Variants in LRRTM4 observed in about 807,000 individuals in gnomAD.
LRRTM4 encodes the protein leucine-rich repeat transmembrane neuronal protein 4.
LRRTM4 carries 25 observed loss-of-function variants against 47.6 expected under a neutral mutation model. The ratio of observed to expected loss-of-function variants is 0.53; its 90% CI spans 0.38 to 0.73. The LOEUF is 0.73. LRRTM4 is among the 30% of genes least tolerant of loss of function. The pLI, the probability that LRRTM4 is intolerant of heterozygous loss-of-function variation, is 0.00. For synonymous variants in LRRTM4, 311 were observed against 269.5 expected (o/e 1.15, Z -1.51); for missense variants, 638 against 713.4 (o/e 0.89, Z 1.20).
chr2:77,356,652 A>G (rs1671978772), intron 3 of LRRTM4, among the ~76,000 whole-genome samples: 1 of 152,218 alleles, frequency 6.6e-6, no homozygotes, highest in South Asian at 2.1e-4. Context: ...ATTTCAGCAT[A>G]TAGATTCACA....
At chr2:77,035,619 A>G (rs1204168929) in intron 3 of LRRTM4, among the ~76,000 whole-genome samples, 2 of 151,968 alleles carry the variant, frequency 1.3e-5, no homozygotes, top group African/African-American at 2.4e-5. Flanking sequence ...CAATAATTTT[A>G]TAAATATCAA....
At chr2:77,318,878 C>T (rs1184809074) in intron 3 of LRRTM4, among the ~76,000 whole-genome samples, 1 of 125,978 alleles carries the variant, frequency 7.9e-6, no homozygotes, top group Non-Finnish European at 1.6e-5. Flanking sequence ...TAAATACCTA[C>T]TTGCTCTTTT....
At chr2:76,782,014 A>T (rs1674422576) in intron 3 of LRRTM4, among the ~76,000 whole-genome samples, 1 of 152,140 alleles carries the variant, frequency 6.6e-6, no homozygotes. Context: ...GACATTAAAT[A>T]CTCAGGCTTT....
At chr2:77,019,630 G>C (rs565279063) in intron 3 of LRRTM4, among the ~76,000 whole-genome samples, 1 of 152,194 alleles carries the variant, frequency 6.6e-6, no homozygotes, top group South Asian at 2.1e-4. Flanking sequence ...TGCTAACCAA[G>C]TGATAAAAAT....
In LRRTM4 at chr2:76,911,736, G is replaced by C. The variant is rs183439744; in HGVS notation, c.1552-162820C>G. Among the ~76,000 whole-genome samples the C allele has an allele frequency of 4.6e-5, 7 of 152,180 alleles. No individual in the cohort carries two copies. In the East Asian group the frequency reaches 1.2e-3, roughly 25 times the overall value. On this transcript the variant is annotated intron_variant, in intron 3 of 3. Coordinates refer to ENST00000409884, the MANE Select transcript of LRRTM4 (RefSeq NM_001134745.3). The stretch of plus-strand genomic sequence containing the variant: ...ACAGGTAGAAATGTCAGTAGAAATG[G>C]AATAGGCCAATCACTTTTTTCTGAT...
At chr2:77,451,840 C>T (rs1297756849) in intron 3 of LRRTM4, among the ~76,000 whole-genome samples, 1 of 152,104 alleles carries the variant, frequency 6.6e-6, no homozygotes, top group Non-Finnish European at 1.5e-5. Flanking sequence ...AGCTGAGACA[C>T]AAATAGTGAG....
At chr2:77,063,458 C>T (rs1387866045) in intron 3 of LRRTM4, among the ~76,000 whole-genome samples, 1 of 151,972 alleles carries the variant, frequency 6.6e-6, no homozygotes, top group Non-Finnish European at 1.5e-5. Context: ...TACCAAATTA[C>T]CTGTACTGTT....
At chr2:77,072,812 A>AC (rs1179927414) in intron 3 of LRRTM4, among the ~76,000 whole-genome samples, 3 of 150,520 alleles carry the variant, frequency 2.0e-5, no homozygotes, top group African/African-American at 7.4e-5. Flanking sequence ...AAAAAAAAAA[A>AC]AAAAAAAAAA....
At chr2:76,799,854 T>C (rs1368531887) in intron 3 of LRRTM4, among the ~76,000 whole-genome samples, 1 of 146,520 alleles carries the variant, frequency 6.8e-6, no homozygotes, top group Non-Finnish European at 1.5e-5. Flanking sequence ...CATTCACAAT[T>C]GCTTCAAAGA....
At chr2:76,754,835 A>T (rs1200605242) in intron 3 of LRRTM4, among the ~76,000 whole-genome samples, 1 of 152,122 alleles carries the variant, frequency 6.6e-6, no homozygotes, top group African/African-American at 2.4e-5. Context: ...TTATTTTGCC[A>T]GAGGATGGAG....
intron 3 of LRRTM4, among the ~76,000 whole-genome samples, chr2:77,410,033 G>A (rs1674357929): frequency 6.6e-6 from 1 of 152,026 alleles, no homozygotes; most frequent in Non-Finnish European, 1.5e-5. Flanking sequence ...GATTCTGGAA[G>A]GATGACTTTT....
chr2:77,039,496 G>A (rs1678953893), intron 3 of LRRTM4, among the ~76,000 whole-genome samples: 1 of 151,038 alleles, frequency 6.6e-6, no homozygotes, highest in African/African-American at 2.4e-5. Flanking sequence ...CAATTTTAGA[G>A]GACACATTTA....
At chr2:76,957,518 A>G (rs907991685) in intron 3 of LRRTM4, among the ~76,000 whole-genome samples, 4 of 151,732 alleles carry the variant, frequency 2.6e-5, no homozygotes, top group African/African-American at 9.7e-5. Context: ...AATATTTTAG[A>G]TTTACTGGAG....
intron 3 of LRRTM4, among the ~76,000 whole-genome samples, chr2:76,916,228 C>A (rs1351032802): frequency 6.6e-6 from 1 of 150,924 alleles, no homozygotes; most frequent in Non-Finnish European, 1.5e-5. Flanking sequence ...TATGTATGGT[C>A]CAAAAAATTA....
intron 3 of LRRTM4, among the ~76,000 whole-genome samples, chr2:76,895,292 G>C (rs1330896177): frequency 6.6e-6 from 1 of 151,982 alleles, no homozygotes; most frequent in Non-Finnish European, 1.5e-5. Flanking sequence ...TTACCTCTAA[G>C]TTCTTTACTA....
intron 3 of LRRTM4, among the ~76,000 whole-genome samples, chr2:77,206,821 T>C (rs1674140238): frequency 6.6e-6 from 1 of 151,998 alleles, no homozygotes; most frequent in South Asian, 2.1e-4. Flanking sequence ...TTCTCTATTC[T>C]CCAAAATCCT....
At chr2:77,256,724 A>G (rs1675779161) in intron 3 of LRRTM4, among the ~76,000 whole-genome samples, 3 of 152,172 alleles carry the variant, frequency 2.0e-5, no homozygotes, top group Admixed American at 2.0e-4. Context: ...TACTCAGTCA[A>G]AGGTATGTCT....
intron 3 of LRRTM4, among the ~76,000 whole-genome samples, chr2:77,248,953 C>T (rs1675525973): frequency 6.6e-6 from 1 of 152,004 alleles, no homozygotes; most frequent in South Asian, 2.1e-4. Context: ...AGAAAAATAA[C>T]ATAGAAGAAA....
intron 3 of LRRTM4, among the ~76,000 whole-genome samples, chr2:77,262,452 ATTATGT>A (rs990414769): frequency 6.6e-6 from 1 of 151,820 alleles, no homozygotes; most frequent in Non-Finnish European, 1.5e-5. Context: ...TCACGGATAC[ATTATGT>A]TTAATTAAAG....
Sources: allele counts gnomAD v4.1 joint callset (sites outside exome capture counted in the v4.1 genomes callset), GRCh38; gene constraint gnomAD v4.1.1; transcripts MANE v1.5; gene names NCBI Gene and HGNC (gene_info 2026-07-23, HGNC 2026-07-21).